Variants in METTL8 observed in about 807,000 individuals in gnomAD.
METTL8 encodes methyltransferase 8, tRNA N3-cytidine.
METTL8 carries 32 observed loss-of-function variants against 48.7 expected under a neutral mutation model. That is an observed-to-expected ratio of 0.66 (90% CI 0.50 to 0.88). METTL8 has a LOEUF of 0.88. Ranked by LOEUF, METTL8 falls within the 40% of genes least tolerant of loss-of-function variation. The pLI is 0.00. For missense variants in METTL8, 464 were observed against 474.4 expected (o/e 0.98, Z 0.20); for synonymous variants, 136 against 157.1 (o/e 0.87, Z 1.01).
rs369894690 is a variant in METTL8, at chr2:171,355,990, G to A, written c.235+4432C>T. Among the ~76,000 whole-genome samples the A allele has an allele frequency of 1.1e-4, 16 of 152,222 alleles. 1 individual carries two copies. Among genetic ancestry groups the A allele is most frequent in the African/African-American group, 2.9e-4 (12 of 41,540 alleles). On this transcript the variant is annotated intron_variant, in intron 3 of 9. Transcript: ENST00000375258. ...ATCCACTGTCCTGCACCCACTGTCC[G>A]ACAAGCCCCAGTGAGATGAACCCAG... is the stretch of plus-strand genomic sequence containing the variant.
intron 1 of METTL8, among the ~76,000 whole-genome samples, chr2:171,431,612 C>T (rs1693029103): frequency 6.6e-6 from 1 of 152,200 alleles, no homozygotes; most frequent in Non-Finnish European, 1.5e-5. Context: ...TTCTTGGACA[C>T]AGGACAAGAG....
intron 2 of METTL8, among the ~76,000 whole-genome samples, chr2:171,389,142 G>T (rs967338751): frequency 6.6e-6 from 1 of 152,142 alleles, no homozygotes; most frequent in Non-Finnish European, 1.5e-5. Flanking sequence ...AAGGCCTTTT[G>T]CAAGCTGAGA....
chr2:171,337,376 T>C, intron 5 of METTL8, 77 bp downstream of exon 5: 1 of 1,092,896 alleles, frequency 9.2e-7, no homozygotes, highest in Non-Finnish European at 1.3e-6. Context: ...GGCATACACG[T>C]GACAATATTT....
intron 5 of METTL8, among the ~76,000 whole-genome samples, chr2:171,336,120 A>G (rs1441928138): frequency 6.6e-6 from 1 of 151,702 alleles, no homozygotes; most frequent in Non-Finnish European, 1.5e-5. Flanking sequence ...TTTTTGAGAC[A>G]AAGTTTCGCA....
chr2:171,418,267 C>T (rs1691518823), intron 1 of METTL8, among the ~76,000 whole-genome samples: 1 of 152,058 alleles, frequency 6.6e-6, no homozygotes, highest in Non-Finnish European at 1.5e-5. Flanking sequence ...TCTTAGGCTC[C>T]TATTTATTCT....
At chr2:171,396,977 C>T (rs1030801877) in intron 1 of METTL8, among the ~76,000 whole-genome samples, 19 of 150,830 alleles carry the variant, frequency 1.3e-4, no homozygotes, top group Non-Finnish European at 2.7e-4. Context: ...GCATGTACCA[C>T]CACACCTGGC....
intron 1 of METTL8, among the ~76,000 whole-genome samples, chr2:171,398,662 T>C (rs1453868528): frequency 6.6e-6 from 1 of 152,198 alleles, no homozygotes; most frequent in Non-Finnish European, 1.5e-5. Context: ...TTGTATTATA[T>C]TTGGGACTTT....
At chr2:171,366,271 T>C (rs916726639) in intron 2 of METTL8, among the ~76,000 whole-genome samples, 2 of 152,142 alleles carry the variant, frequency 1.3e-5, no homozygotes, top group Non-Finnish European at 2.9e-5. Context: ...GAGTATTTAG[T>C]TAAGACCCTA....
At chr2:171,367,052 T>C (rs1051280252) in intron 2 of METTL8, among the ~76,000 whole-genome samples, 2 of 151,980 alleles carry the variant, frequency 1.3e-5, no homozygotes, top group Non-Finnish European at 2.9e-5. Flanking sequence ...ATAATACCAA[T>C]TGGTCTAACA....
chr2:171,429,377 T>C (rs1692747929), intron 1 of METTL8, among the ~76,000 whole-genome samples: 1 of 152,180 alleles, frequency 6.6e-6, no homozygotes, highest in African/African-American at 2.4e-5. Context: ...TGGTGATTTA[T>C]ATAAAGAAAA....
At chr2:171,428,974 T>G (rs1692693898) in intron 1 of METTL8, among the ~76,000 whole-genome samples, 1 of 152,124 alleles carries the variant, frequency 6.6e-6, no homozygotes, top group Non-Finnish European at 1.5e-5. Flanking sequence ...GGGAAGATAA[T>G]GAAGTGCCTG....
intron 4 of METTL8, among the ~76,000 whole-genome samples, 187 bp from the exon 5 acceptor site, chr2:171,337,689 C>A (rs1299231843): frequency 4.6e-5 from 7 of 150,910 alleles, no homozygotes; most frequent in African/African-American, 1.7e-4. Context: ...ACTATGGAAA[C>A]ATTTAAATTT....
chr2:171,434,437 G>A (rs984241056), upstream of METTL8: 6 of 1,430,076 alleles, frequency 4.2e-6, no homozygotes, highest in Non-Finnish European at 5.7e-6. Context: ...CTCCCTGCCC[G>A]CCTCCCCGTG....
intron 3 of METTL8, among the ~76,000 whole-genome samples, chr2:171,354,692 G>A (rs189490023): frequency 2.0e-3 from 305 of 151,940 alleles, no homozygotes; most frequent in Middle Eastern, 6.8e-3. Flanking sequence ...TTCTCTTTTC[G>A]CTTCATTTCA....
intron 2 of METTL8, among the ~76,000 whole-genome samples, chr2:171,389,590 A>G (rs545980743): frequency 6.6e-6 from 1 of 151,568 alleles, no homozygotes; most frequent in African/African-American, 2.4e-5. Flanking sequence ...AAATAGCATT[A>G]CTGATATGGA....
At chr2:171,429,700 T>G (rs1425439650) in intron 1 of METTL8, among the ~76,000 whole-genome samples, 1 of 151,940 alleles carries the variant, frequency 6.6e-6, no homozygotes, top group Non-Finnish European at 1.5e-5. Context: ...ACTAAAAAGG[T>G]TTTAAGTTAA....
chr2:171,319,790 T>C lies in METTL8; in HGVS notation c.*4382A>G, dbSNP rs1216485052. The stretch of plus-strand genomic sequence containing the variant: ...ACAGTTCCTCATGTGTGAGAATTTT[T>C]ACATTTGGACGATGCTCAAAAGTGA... On this transcript the variant is annotated 3_prime_UTR_variant, in exon 10 of 10. Coordinates refer to ENST00000375258, the MANE Select transcript of METTL8 (RefSeq NM_001321154.2). The C allele has an allele frequency of 6.6e-6, 1 of 152,222 alleles. No homozygotes were observed. Among genetic ancestry groups the C allele is most frequent in the East Asian group, 1.9e-4 (1 of 5,198 alleles). The allele number at this position is 152,222 out of a possible 1,614,324, so 9.4% of individuals were successfully genotyped here. A position where few individuals can be genotyped will look rare whatever the true frequency, so the allele number is the denominator to read the frequency against.
chr2:171,380,120 T>C (rs898974325), intron 2 of METTL8, among the ~76,000 whole-genome samples: 2 of 152,150 alleles, frequency 1.3e-5, no homozygotes, highest in African/African-American at 4.8e-5. Context: ...GCATAATCCA[T>C]CACATAAACT....
At chr2:171,406,730 C>T (rs1360862357) in intron 1 of METTL8, among the ~76,000 whole-genome samples, 1 of 152,116 alleles carries the variant, frequency 6.6e-6, no homozygotes, top group African/African-American at 2.4e-5. Context: ...CAAAAGCCAC[C>T]TTGGAGCCAT....
Sources: allele counts gnomAD v4.1 joint callset (sites outside exome capture counted in the v4.1 genomes callset), GRCh38; gene constraint gnomAD v4.1.1; transcripts MANE v1.5; gene names NCBI Gene and HGNC (gene_info 2026-07-23, HGNC 2026-07-21).